The following WIZ variants were observed in gnomAD, a reference collection of about 807,000 sequenced individuals.
WIZ encodes WIZ zinc finger, also known as protein Wiz.
Under a neutral mutation model 140.2 loss-of-function variants are expected in WIZ, and 25 were observed. The observed-to-expected ratio is 0.18, with a 90% CI of 0.13 to 0.25. The LOEUF (loss-of-function observed/expected upper bound fraction) is 0.25, where lower values mean the gene tolerates loss of function less well. Among genes scored for constraint, WIZ ranks in the 10% least tolerant of loss-of-function variants. WIZ has a pLI of 1.00. For synonymous variants in WIZ, 1,125 were observed against 1,154.3 expected, an observed-to-expected ratio of 0.97 and a Z score of 0.51; for missense variants, 2,231 against 2,632.6, an observed-to-expected ratio of 0.85 and a Z score of 3.34.
Position 15,425,653 on chromosome 19 carries a change from G to A in WIZ, c.4482C>T (p.Thr1494=), listed in dbSNP as rs779065526. ...TGGGCGAACCATTGACGGACCACTC[G>A]GTCACACCCATCTGCCGCAGGTGTG... ...ARSHLRQMGV[T]EWSVNGSPID... is the part of the protein sequence containing the mutation. Residue 1494 remains threonine, a synonymous_variant, in exon 10 of 13, where the codon ACC becomes ACT. Transcript: ENST00000673675. 6.8e-6 allele frequency: 11 copies of A among 1,613,342 alleles called. No homozygotes were observed. In the African/African-American group the frequency reaches 1.2e-4, roughly 18 times the overall value.
chr19:15,438,995 C>A lies in WIZ; in HGVS notation c.1999G>T (p.Ala667Ser). 1 of 1,477,672 alleles carries A rather than the reference C, an allele frequency of 6.8e-7. No homozygotes were observed. The highest frequency in any genetic ancestry group is 8.9e-7 in the Non-Finnish European group (1 of 1,117,416). The allele number at this position is 1,477,672 out of a possible 1,614,324, so 91.5% of individuals were successfully genotyped here. A position where few individuals can be genotyped will look rare whatever the true frequency, so the allele number is the denominator to read the frequency against. Residue 667 changes from alanine (A) to serine (S), a missense_variant, in exon 4 of 13, where the codon GCA becomes TCA. Ala to Ser is a moderately conservative substitution (Grantham distance 99, BLOSUM62 1). Coordinates refer to ENST00000673675, the MANE Select transcript of WIZ (RefSeq NM_001371589.1). ...LKQAFREALQ[A>S]VEATQGQQQQ... ...TGCTGCCCCTGGGTGGCCTCTACTG[C>A]CTGCAGGGCCTCTCGGAATGCCTGC...
intron 1 of WIZ, 77 bp from the exon 2 acceptor site, chr19:15,448,444 C>CA: frequency 8.9e-7 from 1 of 1,121,962 alleles, no homozygotes; most frequent in Non-Finnish European, 1.3e-6. Context: ...CTCAAAACCT[C>CA]AGTCCTCAAC....
Position 15,440,820 on chromosome 19 carries a change from T to A in WIZ, c.279-105A>T. On this transcript the variant is annotated intron_variant, in intron 3 of 12. Transcript: ENST00000673675. The surrounding 1 kb of genome is among the most constrained non-coding windows in gnomAD (Gnocchi z 6.2). Reference sequence around the variant, plus strand: ...GGCCGTTTGAAGCAGGCCCCGGAGATCCAGCCCGAGGGTGACAGGGGTGTG... The same window carrying A: ...GGCCGTTTGAAGCAGGCCCCGGAGAACCAGCCCGAGGGTGACAGGGGTGTG... The A allele has an allele frequency of 1.1e-6, 1 of 882,924 alleles. No homozygotes were observed. Among genetic ancestry groups the A allele is most frequent in the African/African-American group, 1.8e-5 (1 of 56,900 alleles). 54.7% of individuals were successfully genotyped at this position (882,924 alleles called of 1,614,324 possible).
rs898060653 is a variant in WIZ, at chr19:15,442,820, G to A, written c.206-72C>T. On this transcript the variant is annotated intron_variant, in intron 2 of 12. Transcript: ENST00000673675. The surrounding 1 kb of genome is among the most constrained non-coding windows in gnomAD (Gnocchi z 5.5). ...GGGGCCCTCCACACCCCAGCTCCAGGAGCCCTGCCAGGTGCCTCAGAAAGG... is the reference window on the plus strand; with the variant it reads ...GGGGCCCTCCACACCCCAGCTCCAGAAGCCCTGCCAGGTGCCTCAGAAAGG... The A allele has an allele frequency of 6.0e-6, 6 of 1,004,632 alleles. No individual in the cohort carries two copies. Among genetic ancestry groups the A allele is most frequent in the African/African-American group, 1.7e-5 (1 of 60,082 alleles). 62.2% of individuals were successfully genotyped at this position (1,004,632 alleles called of 1,614,324 possible).
rs1968941209 is a variant in WIZ at position 15,427,746 on chromosome 19, A to G, written c.3815-213T>C. Among the ~76,000 whole-genome samples, 1 of 152,192 alleles carries G rather than the reference A, an allele frequency of 6.6e-6. No individual in the cohort carries two copies. The highest frequency in any genetic ancestry group is 1.5e-5 in the Non-Finnish European group (1 of 68,034). On this transcript the variant is annotated intron_variant, in intron 8 of 12. Coordinates refer to ENST00000673675, the MANE Select transcript of WIZ (RefSeq NM_001371589.1). The surrounding 1 kb of genome is among the most constrained non-coding windows in gnomAD (Gnocchi z 6.4). ...GGCTCCAGAGAGCACATGGGCCCTC[A>G]GTCCTGGCGGAGGAGGATGGAACCA...
Position 15,440,449 on chromosome 19 carries a change from G to A in WIZ, c.545C>T (p.Pro182Leu), listed in dbSNP as rs1233092170. 1 of 1,536,098 alleles carries A rather than the reference G, an allele frequency of 6.5e-7. No homozygotes were observed. Among genetic ancestry groups the A allele is most frequent in the South Asian group, 1.2e-5 (1 of 84,066 alleles). Residue 182 changes from proline (P) to leucine (L), a missense_variant, in exon 4 of 13, where the codon CCC (proline) becomes CTC (leucine). Physicochemically the swap from Pro to Leu is moderately conservative, Grantham distance 98 (BLOSUM62 -3). Around this residue, in one of 15 missense-constraint regions of WIZ, gnomAD observed 307 missense variants for 294.1 expected, o/e 1.04. Coordinates refer to ENST00000673675, the MANE Select transcript of WIZ (RefSeq NM_001371589.1). The surrounding 1 kb of genome is among the most constrained non-coding windows in gnomAD (Gnocchi z 6.2). ...CTCATCTTGGAGCCAGTCGAACCTG[G>A]GGCGGCCCTGGGCATGTTTCTCCAA... is the stretch of plus-strand genomic sequence containing the variant. Reference protein sequence around the residue: ...RLLEKHAQGRPRFDWLQDEDE... With the variant: ...RLLEKHAQGRLRFDWLQDEDE...
At position 15,442,626 on chromosome 19, in the gene WIZ, C is replaced by T; in HGVS notation, c.278+50G>A. ...GGGCTTATCTGAGGCCTGGGCATGTCCTGCTTGCCCCCCTGCCCTCCCTGA... is the reference window on the plus strand; with the variant it reads ...GGGCTTATCTGAGGCCTGGGCATGTTCTGCTTGCCCCCCTGCCCTCCCTGA... On this transcript the variant is annotated intron_variant, in intron 3 of 12. Transcript: ENST00000673675. The surrounding 1 kb of genome is among the most constrained non-coding windows in gnomAD (Gnocchi z 5.5). The T allele has an allele frequency of 1.7e-6, 2 of 1,200,810 alleles. No individual in the cohort carries two copies. Among genetic ancestry groups the T allele is most frequent in the Middle Eastern group, 3.2e-4 (1 of 3,148 alleles). The allele number at this position is 1,200,810 out of a possible 1,614,324, so 74.4% of individuals were successfully genotyped here. A position where few individuals can be genotyped will look rare whatever the true frequency, so the allele number is the denominator to read the frequency against.
rs1599705893 is a variant in WIZ at position 15,440,850 on chromosome 19, T to G, written c.279-135A>C. 5 of 794,372 alleles carry G rather than the reference T, an allele frequency of 6.3e-6. No homozygotes were observed. Among genetic ancestry groups the G allele is most frequent in the South Asian group, 1.9e-5 (1 of 51,518 alleles). 49.2% of individuals were successfully genotyped at this position (794,372 alleles called of 1,614,324 possible). On this transcript the variant is annotated intron_variant, in intron 3 of 12. Coordinates refer to ENST00000673675, the MANE Select transcript of WIZ (RefSeq NM_001371589.1). The surrounding 1 kb of genome is among the most constrained non-coding windows in gnomAD (Gnocchi z 6.2). ...CCCGAGGGTGACAGGGGTGTGGGGG[T>G]GAGGGTGGGAGGTAGGGGGAGTCCA...
In WIZ at chr19:15,440,304, G is replaced by C; in HGVS notation, c.690C>G (p.Asp230Glu). ...VPVEDTPKTL[D>E]MAVVGGREDL... ...CTTCTCTGCCACCCACCACCGCCAT[G>C]TCCAGCGTCTTCGGGGTGTCTTCCA... The change falls in exon 4 of 13, where the codon GAC (aspartate) becomes GAG (glutamate). Residue 230 changes from aspartate (D) to glutamate (E), a missense_variant. Asp to Glu is a conservative substitution (Grantham distance 45). Coordinates refer to ENST00000673675, the MANE Select transcript of WIZ (RefSeq NM_001371589.1). The surrounding 1 kb of genome is among the most constrained non-coding windows in gnomAD (Gnocchi z 6.2). 1 of 1,509,472 alleles carries C rather than the reference G, an allele frequency of 6.6e-7. No homozygotes were observed. The highest frequency in any genetic ancestry group is 8.8e-7 in the Non-Finnish European group (1 of 1,131,718). 93.5% of individuals were successfully genotyped at this position (1,509,472 alleles called of 1,614,324 possible). A position where few individuals can be genotyped will look rare whatever the true frequency, so the allele number is the denominator to read the frequency against.
In WIZ at chr19:15,423,052, G is replaced by A. The variant is rs1285174031; in HGVS notation, c.*24C>T. 6.2e-7 allele frequency: 1 copy of A among 1,607,418 alleles called. No individual in the cohort carries two copies. The highest frequency in any genetic ancestry group is 1.1e-5 in the South Asian group (1 of 90,604). On this transcript the variant is annotated 3_prime_UTR_variant, in exon 13 of 13. Coordinates refer to ENST00000673675, the MANE Select transcript of WIZ (RefSeq NM_001371589.1). ...AGAAGAGGAGACAGAGGTGGCACGA[G>A]AGGGGATCTGGAATGCTTTTGTGTT...
rs540578967 is a variant in WIZ at position 15,440,656 on chromosome 19, C to A, written c.338G>T (p.Gly113Val). 22 of 1,526,568 alleles carry A rather than the reference C, an allele frequency of 1.4e-5. No individual in the cohort carries two copies. The Admixed American group carries it at 4.3e-4, about 30-fold the overall frequency. The allele number at this position is 1,526,568 out of a possible 1,614,324, so 94.6% of individuals were successfully genotyped here. ...RPGSPPPHLLGHFPGTPDGRG... is the reference protein window; with the variant it reads ...RPGSPPPHLLVHFPGTPDGRG... ...GCCATCAGGGGTACCTGGGAAATGG[C>A]CCAGGAGATGGGGTGGTGGGGAGCC... Residue 113 changes from glycine to valine, a missense_variant, in exon 4 of 13, where the codon GGC becomes GTC. By Grantham distance (109) the Gly-to-Val change is moderately radical. This residue lies in a region of WIZ where 307 missense variants were observed against 294.1 expected (regional missense o/e 1.04). Transcript: ENST00000673675. The surrounding 1 kb of genome is among the most constrained non-coding windows in gnomAD (Gnocchi z 6.2).
In WIZ at chr19:15,440,827, C is replaced by T. The variant is rs1028387840; in HGVS notation, c.279-112G>A. On this transcript the variant is annotated intron_variant, in intron 3 of 12. Transcript: ENST00000673675. This position sits in a 1 kb window ranked among gnomAD's most constrained non-coding sequence, Gnocchi z 6.2. ...TGAAGCAGGCCCCGGAGATCCAGCCCGAGGGTGACAGGGGTGTGGGGGTGA... is the reference window on the plus strand; with the variant it reads ...TGAAGCAGGCCCCGGAGATCCAGCCTGAGGGTGACAGGGGTGTGGGGGTGA... 1.5e-5 allele frequency: 14 copies of T among 935,810 alleles called. No individual in the cohort carries two copies. The highest frequency in any genetic ancestry group is 1.0e-4 in the African/African-American group (6 of 58,856). The allele number at this position is 935,810 out of a possible 1,614,324, so 58.0% of individuals were successfully genotyped here. A position where few individuals can be genotyped will look rare whatever the true frequency, so the allele number is the denominator to read the frequency against.
intron 2 of WIZ, 110 bp downstream of exon 2, chr19:15,447,993 C>T: frequency 3.9e-6 from 5 of 1,271,434 alleles, no homozygotes; most frequent in South Asian, 2.5e-5. Context: ...TGGACCCAAG[C>T]GGAATCAGCA....
Position 15,436,970 on chromosome 19 carries a change from T to C in WIZ, c.2576A>G (p.Gln859Arg), listed in dbSNP as rs749923708. ...AGCAGCAGAGGTGGCCAGCAGCTCC[T>C]GCAGGATGTTGATGGGTGAGACAGT... ...ELTVSPINIL[Q>R]ELLATSAAEQ... The change falls in exon 5 of 13, where the codon CAG becomes CGG. Residue 859 changes from glutamine to arginine, a missense_variant. This residue lies in a region of WIZ where 118 missense variants were observed against 209.1 expected (regional missense o/e 0.56). Transcript: ENST00000673675. 1 of 1,613,754 alleles carries C rather than the reference T, an allele frequency of 6.2e-7. No homozygotes were observed. Among genetic ancestry groups the C allele is most frequent in the Non-Finnish European group, 8.5e-7 (1 of 1,179,808 alleles).
At position 15,429,911 on chromosome 19, in the gene WIZ, A is replaced by G; in HGVS notation, c.3090T>C (p.Leu1030=). The G allele has an allele frequency of 1.3e-6, 2 of 1,535,952 alleles. No individual in the cohort carries two copies. Among genetic ancestry groups the G allele is most frequent in the South Asian group, 1.2e-5 (1 of 84,068 alleles). The change falls in exon 7 of 13, where the codon CTT becomes CTC. Residue 1030 remains leucine, a synonymous_variant. Transcript: ENST00000673675. The part of the protein sequence containing the change: ...VKQKGLPDAH[L]GLPPGLAKKS... ...TCTTAGCCAGGCCTGGGGGCAGCCC[A>G]AGGTGGGCGTCAGGCAGACCCTTCT...
At chr19:15,438,491 T>C (rs939629508) in intron 4 of WIZ, 87 bp downstream of exon 4, 4 of 1,386,330 alleles carry the variant, frequency 2.9e-6, no homozygotes, top group Non-Finnish European at 3.8e-6. Flanking sequence ...AGTGTCCCCC[T>C]GCTTGGCGCT....
Position 15,430,358 on chromosome 19 carries a change from G to A in WIZ, c.2912-269C>T, listed in dbSNP as rs186000826. ...AGAGCCCTTCTGTCATCCAGCCAGT[G>A]GGACACCTTTCACAACCTTTCAGGC... On this transcript the variant is annotated intron_variant, in intron 6 of 12. Coordinates refer to ENST00000673675, the MANE Select transcript of WIZ (RefSeq NM_001371589.1). Among the ~76,000 whole-genome samples, 109 of 152,298 alleles carry A rather than the reference G, an allele frequency of 7.2e-4. 1 individual carries two copies. In the East Asian group the frequency reaches 0.019, roughly 27 times the overall value.
rs1279536781 is a variant in WIZ at position 15,439,842 on chromosome 19, C to G, written c.1152G>C (p.Glu384Asp). Residue 384 changes from glutamate (E) to aspartate (D), a missense_variant, in exon 4 of 13, where the codon GAG (glutamate) becomes GAC (aspartate). Around this residue, in one of 15 missense-constraint regions of WIZ, gnomAD observed 475 missense variants for 520.2 expected, o/e 0.91. Coordinates refer to ENST00000673675, the MANE Select transcript of WIZ (RefSeq NM_001371589.1). This position sits in a 1 kb window ranked among gnomAD's most constrained non-coding sequence, Gnocchi z 7.0. ...CTGGAACTTGCTTCAGCTTTTGGATCTCCTCAATGATCTTCTCCCGGGAGG... is the reference window on the plus strand; with the variant it reads ...CTGGAACTTGCTTCAGCTTTTGGATGTCCTCAATGATCTTCTCCCGGGAGG... ...HQASREKIIE[E>D]IQKLKQVPGD... 6.5e-7 allele frequency: 1 copy of G among 1,529,998 alleles called. No individual in the cohort carries two copies. Among genetic ancestry groups the G allele is most frequent in the Non-Finnish European group, 8.7e-7 (1 of 1,143,886 alleles). 94.8% of individuals were successfully genotyped at this position (1,529,998 alleles called of 1,614,324 possible).
chr19:15,430,936 C>T (rs1969192997), intron 6 of WIZ, 76 bp downstream of exon 6: 2 of 1,433,666 alleles, frequency 1.4e-6, no homozygotes, highest in Non-Finnish European at 1.8e-6. Flanking sequence ...CCACATTAAC[C>T]CCAAGGCACG....
Sources: allele counts gnomAD v4.1 joint callset (sites outside exome capture counted in the v4.1 genomes callset), GRCh38; gene constraint gnomAD v4.1.1; regional missense constraint gnomAD v4.1.1; non-coding constraint Gnocchi (gnomAD v3.1); transcripts MANE v1.5; gene names NCBI Gene and HGNC (gene_info 2026-07-23, HGNC 2026-07-21).